Variants in SLC7A2 observed in about 807,000 individuals in gnomAD.
SLC7A2 encodes the protein cationic amino acid transporter 2.
SLC7A2 carries 48 observed loss-of-function variants against 58.9 expected under a neutral mutation model. The ratio of observed to expected loss-of-function variants is 0.82; its 90% CI spans 0.65 to 1.04. SLC7A2 has a LOEUF of 1.04. SLC7A2 is among the 50% of genes least tolerant of loss of function. The pLI, the probability that SLC7A2 is intolerant of heterozygous loss-of-function variation, is 0.00. For missense variants in SLC7A2, 1,029 were observed against 818.8 expected, an observed-to-expected ratio of 1.26 and a Z score of -3.13; for synonymous variants, 363 against 314.5, an observed-to-expected ratio of 1.15 and a Z score of -1.63.
chr8:17,512,718 G>A (rs991460899), intron 2 of SLC7A2, among the ~76,000 whole-genome samples: 3 of 152,004 alleles, frequency 2.0e-5, no homozygotes, highest in South Asian at 2.1e-4. Context: ...CATTCACATC[G>A]TTGTACAACA....
At chr8:17,532,736 A>C (rs1467265631) in intron 2 of SLC7A2, among the ~76,000 whole-genome samples, 1 of 152,246 alleles carries the variant, frequency 6.6e-6, no homozygotes, top group Non-Finnish European at 1.5e-5. Context: ...ATTTAAATAA[A>C]GTGTGAAAAG....
chr8:17,537,993 T>A (rs1260662953), intron 2 of SLC7A2, among the ~76,000 whole-genome samples: 1 of 152,246 alleles, frequency 6.6e-6, no homozygotes, highest in Admixed American at 6.5e-5. Flanking sequence ...CCCACTGTGA[T>A]GTTGCCTTCA....
intron 2 of SLC7A2, among the ~76,000 whole-genome samples, chr8:17,534,618 T>G (rs539536067): frequency 6.6e-6 from 1 of 151,952 alleles, no homozygotes; most frequent in South Asian, 2.1e-4. Flanking sequence ...ATTTTAGCTG[T>G]ATTCTTGAGG....
Position 17,563,631 on chromosome 8 carries a change from T to A in SLC7A2, c.1700T>A (p.Phe567Tyr). ...MVPFLPFLPA[F>Y]SILVNIYLMV... ...CCATTCTTACCATTTTTGCCAGCGT[T>A]CAGCATCTTGGTGAACATTTACTTG... is the stretch of plus-strand genomic sequence containing the variant. Residue 567 changes from phenylalanine (F) to tyrosine (Y), a missense_variant, in exon 12 of 13, where the codon TTC becomes TAC. By Grantham distance (22) the Phe-to-Tyr change is conservative. Transcript: ENST00000494857. The A allele has an allele frequency of 6.2e-7, 1 of 1,613,342 alleles. No individual in the cohort carries two copies. The highest frequency in any genetic ancestry group is 8.5e-7 in the Non-Finnish European group (1 of 1,179,440).
intron 2 of SLC7A2, among the ~76,000 whole-genome samples, chr8:17,506,375 A>G (rs1272416770): frequency 6.6e-6 from 1 of 152,242 alleles, no homozygotes; most frequent in Admixed American, 6.5e-5. Context: ...TCATTTGGTT[A>G]TATCACTATA....
chr8:17,496,263 A>T (rs1799955318), upstream of SLC7A2, among the ~76,000 whole-genome samples: 1 of 152,170 alleles, frequency 6.6e-6, no homozygotes, highest in African/African-American at 2.4e-5. Flanking sequence ...TCGAGGCTGC[A>T]GTGAGCCACG....
At chr8:17,515,079 A>C (rs1395867485) in intron 2 of SLC7A2, among the ~76,000 whole-genome samples, 1 of 152,200 alleles carries the variant, frequency 6.6e-6, no homozygotes, top group Admixed American at 6.5e-5. Context: ...GGGACTTTAT[A>C]GTTGCTAACA....
chr8:17,521,409 A>G (rs902966100), intron 2 of SLC7A2, among the ~76,000 whole-genome samples: 2 of 152,170 alleles, frequency 1.3e-5, no homozygotes, highest in Non-Finnish European at 2.9e-5. Flanking sequence ...GGATTCTGAT[A>G]TTTCCTTGAT....
intron 2 of SLC7A2, among the ~76,000 whole-genome samples, chr8:17,522,256 A>T (rs1009471587): frequency 3.9e-5 from 6 of 152,146 alleles, no homozygotes; most frequent in African/African-American, 1.4e-4. Context: ...TAAAACCATC[A>T]AATCTCGTGA....
intron 2 of SLC7A2, among the ~76,000 whole-genome samples, chr8:17,530,289 A>G (rs550939824): frequency 3.1e-4 from 47 of 152,286 alleles, no homozygotes; most frequent in African/African-American, 1.1e-3. Flanking sequence ...AGTAGCTCGG[A>G]TGGCCTGGGA....
chr8:17,529,759 A>T (rs559389533), intron 2 of SLC7A2, among the ~76,000 whole-genome samples: 2 of 151,334 alleles, frequency 1.3e-5, no homozygotes, highest in South Asian at 4.2e-4. Flanking sequence ...CTGGTCTCGA[A>T]CTCCTGGCCT....
chr8:17,539,195 G>C (rs1294626242), intron 2 of SLC7A2, among the ~76,000 whole-genome samples: 2 of 152,166 alleles, frequency 1.3e-5, no homozygotes, highest in Non-Finnish European at 2.9e-5. Context: ...CAAGTTGATG[G>C]CCTGGGCTGA....
At chr8:17,508,778 T>A (rs1212287445) in intron 2 of SLC7A2, among the ~76,000 whole-genome samples, 1 of 152,116 alleles carries the variant, frequency 6.6e-6, no homozygotes, top group African/African-American at 2.4e-5. Context: ...GGCTGAAGAT[T>A]GAAAGCCTGA....
At chr8:17,560,762 G>A (rs898334984) in intron 10 of SLC7A2, among the ~76,000 whole-genome samples, 15 of 152,096 alleles carry the variant, frequency 9.9e-5, no homozygotes, top group Non-Finnish European at 1.8e-4. Flanking sequence ...ACTTCAAGAC[G>A]AGAGTGACAG....
In SLC7A2 at chr8:17,566,638, A is replaced by G. The variant is rs959927862; in HGVS notation, c.*1492A>G. On this transcript the variant is annotated 3_prime_UTR_variant, in exon 13 of 13. Coordinates refer to ENST00000494857, the MANE Select transcript of SLC7A2 (RefSeq NM_001370338.1). ...AAAAGAATCAAATTGAATTAAAGCT[A>G]TATAAACACAGTTAACCCTTGTAAA... 1.3e-5 allele frequency: 2 copies of G among 149,088 alleles called. No individual in the cohort carries two copies. Among genetic ancestry groups the G allele is most frequent in the African/African-American group, 5.2e-5 (2 of 38,654 alleles). 9.2% of individuals were successfully genotyped at this position (149,088 alleles called of 1,614,324 possible). A position where few individuals can be genotyped will look rare whatever the true frequency, so the allele number is the denominator to read the frequency against.
At chr8:17,529,530 T>A (rs921274398) in intron 2 of SLC7A2, among the ~76,000 whole-genome samples, 5 of 117,222 alleles carry the variant, frequency 4.3e-5, no homozygotes, top group African/African-American at 1.5e-4. Flanking sequence ...TTTTGTTTTT[T>A]TGTTTTTTTT....
chr8:17,518,276 G>A (rs140157082), intron 2 of SLC7A2, among the ~76,000 whole-genome samples: 4 of 150,080 alleles, frequency 2.7e-5, no homozygotes, highest in East Asian at 2.0e-4. Context: ...CAACTCCATC[G>A]ATTCTGAGTT....
chr8:17,548,224 C>T (rs768058001), intron 4 of SLC7A2, among the ~76,000 whole-genome samples: 3 of 152,092 alleles, frequency 2.0e-5, no homozygotes, highest in Non-Finnish European at 4.4e-5. Flanking sequence ...ACCTGTAGTC[C>T]CAGCTACTCA....
At chr8:17,516,032 G>A (rs1800790210) in intron 2 of SLC7A2, among the ~76,000 whole-genome samples, 1 of 151,844 alleles carries the variant, frequency 6.6e-6, no homozygotes, top group Non-Finnish European at 1.5e-5. Context: ...CCTACATCTT[G>A]CCATTCATGT....
Sources: gnomAD v4.1 joint callset for allele counts (sites outside exome capture counted in the v4.1 genomes callset) on GRCh38, gnomAD v4.1.1 for gene constraint, MANE v1.5 for transcripts, NCBI Gene and HGNC (gene_info 2026-07-23, HGNC 2026-07-21) for gene names.